The following ITFG1 variants were observed in gnomAD, a reference collection of about 807,000 sequenced individuals.
The protein encoded by ITFG1 is T-cell immunomodulatory protein.
In ITFG1, 34 loss-of-function variants were observed where a neutral mutation model predicts 81.8. The ratio of observed to expected loss-of-function variants is 0.42; its 90% CI spans 0.32 to 0.55. ITFG1 has a LOEUF of 0.55. Ranked by LOEUF, ITFG1 falls within the 20% of genes least tolerant of loss-of-function variation. ITFG1 has a pLI of 0.17. For missense variants in ITFG1, 672 were observed against 755.4 expected (o/e 0.89, Z 1.29); for synonymous variants, 285 against 270.6 (o/e 1.05, Z -0.52).
intron 10 of ITFG1, among the ~76,000 whole-genome samples, chr16:47,296,700 T>C (rs1341334420): frequency 2.0e-5 from 3 of 152,232 alleles, no homozygotes; most frequent in Non-Finnish European, 4.4e-5. Flanking sequence ...TCTCCCAAAG[T>C]GCTGGGATTA....
At position 47,167,606 on chromosome 16, in the gene ITFG1, C is replaced by G. The variant is rs181287216; in HGVS notation, c.1454-4942G>C. Among the ~76,000 whole-genome samples, 887 of 152,198 alleles carry G rather than the reference C, an allele frequency of 5.8e-3. 3 individuals are homozygous for G. Among genetic ancestry groups the G allele is most frequent in the Non-Finnish European group, 0.01 (692 of 68,014 alleles). On this transcript the variant is annotated intron_variant, in intron 14 of 17. Transcript: ENST00000320640. ...TGACTGTAATTTTCCTTTACCTACCCAAAGCTTATAAAACGGCCCCACCCT... is the reference window on the plus strand; with the variant it reads ...TGACTGTAATTTTCCTTTACCTACCGAAAGCTTATAAAACGGCCCCACCCT...
chr16:47,192,831 G>C (rs745885523), intron 14 of ITFG1, among the ~76,000 whole-genome samples: 1 of 152,164 alleles, frequency 6.6e-6, no homozygotes, highest in Non-Finnish European at 1.5e-5. Flanking sequence ...TTTCCCCTCA[G>C]CTTTTGACCC....
chr16:47,282,916 C>T (rs1056885768), intron 10 of ITFG1, among the ~76,000 whole-genome samples: 1 of 151,934 alleles, frequency 6.6e-6, no homozygotes, highest in Non-Finnish European at 1.5e-5. Flanking sequence ...TGTCCTTTGC[C>T]CAGTTTTTAA....
intron 6 of ITFG1, among the ~76,000 whole-genome samples, chr16:47,394,974 T>C (rs1968576729): frequency 6.6e-6 from 1 of 152,202 alleles, no homozygotes; most frequent in Admixed American, 6.5e-5. Flanking sequence ...AGATATTTTT[T>C]GTTTTTCATG....
At chr16:47,373,885 G>T (rs995507262) in intron 7 of ITFG1, among the ~76,000 whole-genome samples, 6 of 152,170 alleles carry the variant, frequency 3.9e-5, no homozygotes, top group Non-Finnish European at 7.4e-5. Context: ...CAAAGTCTCT[G>T]TCCAATCTCT....
At chr16:47,316,520 A>C (rs998912335) in intron 8 of ITFG1, among the ~76,000 whole-genome samples, 1 of 152,206 alleles carries the variant, frequency 6.6e-6, no homozygotes, top group Non-Finnish European at 1.5e-5. Context: ...GTTTACACAC[A>C]AACAATGCAT....
intron 10 of ITFG1, among the ~76,000 whole-genome samples, chr16:47,278,477 T>C (rs539997648): frequency 6.6e-6 from 1 of 152,236 alleles, no homozygotes; most frequent in East Asian, 1.9e-4. Context: ...TTTCAGATGG[T>C]AGAGCATTAT....
At chr16:47,254,101 T>C (rs1489876419) in intron 12 of ITFG1, among the ~76,000 whole-genome samples, 2 of 152,022 alleles carry the variant, frequency 1.3e-5, no homozygotes, top group African/African-American at 4.8e-5. Flanking sequence ...CTGTGTTGCA[T>C]TATGAGGAGG....
intron 14 of ITFG1, among the ~76,000 whole-genome samples, chr16:47,184,545 G>A (rs1965183245): frequency 6.6e-6 from 1 of 151,952 alleles, no homozygotes; most frequent in African/African-American, 2.4e-5. Context: ...ATAAGTGAAG[G>A]AGAAATAAAA....
At chr16:47,286,688 G>C (rs1167557123) in intron 10 of ITFG1, among the ~76,000 whole-genome samples, 3 of 152,034 alleles carry the variant, frequency 2.0e-5, no homozygotes, top group Admixed American at 6.6e-5. Flanking sequence ...GCAAATGGCT[G>C]TCAGATGGCA....
intron 8 of ITFG1, among the ~76,000 whole-genome samples, chr16:47,339,641 C>G (rs1967754847): frequency 6.6e-6 from 1 of 151,960 alleles, no homozygotes; most frequent in Admixed American, 6.6e-5. Context: ...AAACAGTGAA[C>G]TTGAAAATAG....
At chr16:47,240,759 C>A (rs957763329) in intron 12 of ITFG1, among the ~76,000 whole-genome samples, 5 of 151,994 alleles carry the variant, frequency 3.3e-5, no homozygotes, top group Non-Finnish European at 5.9e-5. Flanking sequence ...TATGGATGAA[C>A]CCTGAAGGCA....
Position 47,290,833 on chromosome 16 carries a change from C to A in ITFG1, c.1070+20407G>T, listed in dbSNP as rs952752721. Among the ~76,000 whole-genome samples the A allele has an allele frequency of 2.0e-5, 3 of 152,156 alleles. No homozygotes were observed. The East Asian group carries it at 5.8e-4, about 29-fold the overall frequency. ...GTTATTACTGATAGGTGAAGACTTA[C>A]TCCTGTCACTTGGCTGAATGTTTTC... On this transcript the variant is annotated intron_variant, in intron 10 of 17. Coordinates refer to ENST00000320640, the MANE Select transcript of ITFG1 (RefSeq NM_030790.5).
intron 6 of ITFG1, among the ~76,000 whole-genome samples, chr16:47,421,353 T>G (rs1335729009): frequency 6.6e-6 from 1 of 151,694 alleles, no homozygotes; most frequent in Non-Finnish European, 1.5e-5. Context: ...GTCACCAGGC[T>G]GGAGAGCAGT....
At chr16:47,160,299 C>T (rs1950332589) in intron 16 of ITFG1, among the ~76,000 whole-genome samples, 1 of 151,402 alleles carries the variant, frequency 6.6e-6, no homozygotes, top group Non-Finnish European at 1.5e-5. Context: ...CATGTATGAA[C>T]ATGTATGTAT....
chr16:47,301,908 A>G (rs1234538951), intron 10 of ITFG1, among the ~76,000 whole-genome samples: 4 of 152,194 alleles, frequency 2.6e-5, no homozygotes, highest in Non-Finnish European at 1.5e-5. Context: ...GTTAGACTAC[A>G]GCACTGGACA....
intron 10 of ITFG1, among the ~76,000 whole-genome samples, chr16:47,281,710 T>A (rs2151550557): frequency 6.6e-6 from 1 of 152,292 alleles, no homozygotes; most frequent in African/African-American, 2.4e-5. Context: ...TCTGAACATC[T>A]GTAGTAAAAT....
intron 5 of ITFG1, among the ~76,000 whole-genome samples, chr16:47,442,349 C>A (rs1286360665): frequency 1.3e-5 from 2 of 151,932 alleles, no homozygotes; most frequent in South Asian, 2.1e-4. Context: ...TCATATGGAA[C>A]CAAAAAAGAG....
Position 47,222,367 on chromosome 16 carries a change from G to T in ITFG1, c.1375-3421C>A, listed in dbSNP as rs190223897. On this transcript the variant is annotated intron_variant, in intron 13 of 17. Coordinates refer to ENST00000320640, the MANE Select transcript of ITFG1 (RefSeq NM_030790.5). ...GTACCCAGTAGTCATTCAGGAGCAG[G>T]TTGTTCAGTTTCCATGCAGTTGAGT... 3.3e-5 allele frequency among the ~76,000 whole-genome samples: 5 copies of T among 150,170 alleles called. No homozygotes were observed. The East Asian group carries it at 7.8e-4, about 23-fold the overall frequency.
Sources: gnomAD v4.1 joint callset for allele counts (sites outside exome capture counted in the v4.1 genomes callset) on GRCh38, gnomAD v4.1.1 for gene constraint, MANE v1.5 for transcripts, NCBI Gene and HGNC (gene_info 2026-07-23, HGNC 2026-07-21) for gene names.